Variants in LNX1 observed in about 807,000 individuals in gnomAD.
The protein encoded by LNX1 is ligand of numb-protein X 1, also known as E3 ubiquitin-protein ligase LNX.
A neutral mutation model predicts 68.4 loss-of-function variants in LNX1; 54 were observed. That is an observed-to-expected ratio of 0.79 (90% CI 0.63 to 0.99). The LOEUF is 0.99. Ranked by LOEUF, LNX1 falls within the 50% of genes least tolerant of loss-of-function variation. The pLI is 0.00. For missense variants in LNX1, 906 were observed against 926.4 expected (o/e 0.98, Z 0.29); for synonymous variants, 336 against 350.0 (o/e 0.96, Z 0.45).
At chr4:53,570,664 T>TAATTAATAAATA (rs1553939583) in intron 2 of LNX1, among the ~76,000 whole-genome samples, 1 of 143,688 alleles carries the variant, frequency 7.0e-6, no homozygotes, top group African/African-American at 2.6e-5. Flanking sequence ...TAAAGTATAA[T>TAATTAATAAATA]AATAAATAAA....
rs1381187945 is a variant in LNX1, at chr4:53,496,139, G to A, written c.1234C>T (p.Leu412=). 1.9e-5 allele frequency: 31 copies of A among 1,613,992 alleles called. No homozygotes were observed. In the Admixed American group the frequency reaches 4.0e-4, roughly 21 times the overall value. Residue 412 remains leucine, a synonymous_variant, in exon 6 of 11, where the codon CTG becomes TTG. Coordinates refer to ENST00000263925, the MANE Select transcript of LNX1 (RefSeq NM_001126328.3). Reference sequence around the variant, plus strand: ...TGTCGATATGCCACACCGCCATCCAGCACATTGAAGATGAAAACCCCAGGC... The same window carrying A: ...TGTCGATATGCCACACCGCCATCCAACACATTGAAGATGAAAACCCCAGGC... ...DEPGVFIFNV[L]DGGVAYRHGQ...
chr4:53,521,450 C>T (rs1414125493), intron 2 of LNX1, among the ~76,000 whole-genome samples: 1 of 152,178 alleles, frequency 6.6e-6, no homozygotes, highest in Non-Finnish European at 1.5e-5. Context: ...GTCACAGGCC[C>T]TCCTGGATAT....
At chr4:53,497,734 C>A (rs561497304) in intron 5 of LNX1, among the ~76,000 whole-genome samples, 2 of 152,338 alleles carry the variant, frequency 1.3e-5, no homozygotes, top group South Asian at 2.1e-4. Flanking sequence ...GATTGTACTG[C>A]GGCCTGCCCC....
intron 2 of LNX1, among the ~76,000 whole-genome samples, chr4:53,508,817 G>A (rs948775566): frequency 6.6e-6 from 1 of 152,142 alleles, no homozygotes; most frequent in African/African-American, 2.4e-5. Context: ...CCCTGGTGTT[G>A]GGGGCTCCCA....
At chr4:53,564,703 G>T (rs1020401421) in intron 2 of LNX1, among the ~76,000 whole-genome samples, 1 of 152,004 alleles carries the variant, frequency 6.6e-6, no homozygotes, top group African/African-American at 2.4e-5. Flanking sequence ...CACAGAAGAC[G>T]GGTGATTTCT....
upstream of LNX1, among the ~76,000 whole-genome samples, chr4:53,619,471 CTTTCTTAGCATCATAT>C (rs1036267074): frequency 2.8e-4 from 42 of 152,234 alleles, 1 homozygote; most frequent in African/African-American, 9.6e-4. Flanking sequence ...TGTCAGACTT[CTTTCTTAGCATCATAT>C]TTTCAAGTTT....
intron 2 of LNX1, among the ~76,000 whole-genome samples, chr4:53,564,785 G>A (rs144738661): frequency 0.027 from 4,052 of 152,158 alleles, 75 homozygotes; most frequent in East Asian, 0.09. Context: ...CAGTGGGTGC[G>A]CGCACCCTGC....
intron 2 of LNX1, among the ~76,000 whole-genome samples, chr4:53,517,396 A>G (rs1726865530): frequency 1.3e-5 from 2 of 152,154 alleles, no homozygotes; most frequent in Non-Finnish European, 1.5e-5. Flanking sequence ...GCCTTCCAAA[A>G]CAGTTCCACT....
chr4:53,542,852 C>T (rs1306816095), intron 2 of LNX1, among the ~76,000 whole-genome samples: 1 of 152,166 alleles, frequency 6.6e-6, no homozygotes, highest in Non-Finnish European at 1.5e-5. Context: ...CCCCCTCTCC[C>T]ATCAGGAATA....
At chr4:53,590,024 T>C (rs1732412681) in intron 1 of LNX1, among the ~76,000 whole-genome samples, 1 of 152,172 alleles carries the variant, frequency 6.6e-6, no homozygotes, top group Non-Finnish European at 1.5e-5. Context: ...TATCAGAAGA[T>C]CCAAGCTTTG....
intron 9 of LNX1, among the ~76,000 whole-genome samples, chr4:53,466,487 G>A (rs1419172751): frequency 3.3e-5 from 5 of 152,264 alleles, no homozygotes; most frequent in Admixed American, 1.3e-4. Flanking sequence ...AGTGCCAGAC[G>A]GTGCAGGACA....
chr4:53,543,061 A>G (rs1577687075), intron 2 of LNX1, among the ~76,000 whole-genome samples: 1 of 152,148 alleles, frequency 6.6e-6, no homozygotes, highest in Non-Finnish European at 1.5e-5. Flanking sequence ...GGGTCTCACT[A>G]TGTTGCTCAG....
chr4:53,520,941 A>T (rs1727167011), intron 2 of LNX1, among the ~76,000 whole-genome samples: 1 of 152,166 alleles, frequency 6.6e-6, no homozygotes, highest in Admixed American at 6.5e-5. Context: ...CAGCCTGGGC[A>T]ATGGTTCGAG....
rs1485021177 is a variant in LNX1 at position 53,508,150 on chromosome 4, G to T, written c.458C>A (p.Ala153Glu). ...RSQDGCPDGC[A>E]SLTATAPSPE... ...GGAGGGAGCCGTGGCTGTGAGGCTCGCACAGCCGTCTGGACAGCCATCTTG... is the reference window on the plus strand; with the variant it reads ...GGAGGGAGCCGTGGCTGTGAGGCTCTCACAGCCGTCTGGACAGCCATCTTG... Residue 153 changes from alanine to glutamate, a missense_variant, in exon 3 of 11, where the codon GCG becomes GAG. By Grantham distance (107) the Ala-to-Glu change is moderately radical. Transcript: ENST00000263925. 8 of 1,613,932 alleles carry T rather than the reference G, an allele frequency of 5.0e-6. No homozygotes were observed. The highest frequency in any genetic ancestry group is 6.8e-6 in the Non-Finnish European group (8 of 1,179,976).
upstream of LNX1, among the ~76,000 whole-genome samples, chr4:53,620,585 T>A (rs1253635541): frequency 6.6e-6 from 1 of 152,162 alleles, no homozygotes; most frequent in Non-Finnish European, 1.5e-5. Context: ...CAGAAGCAGT[T>A]GCTTGATGGG....
At chr4:53,625,814 T>G (rs1734048875) in intron 1 of LNX1, among the ~76,000 whole-genome samples, 1 of 150,172 alleles carries the variant, frequency 6.7e-6, no homozygotes, top group Admixed American at 6.7e-5. Flanking sequence ...CTCAAAATGT[T>G]AGTTACCATA....
At chr4:53,557,509 C>G (rs1188617076) in intron 2 of LNX1, among the ~76,000 whole-genome samples, 1 of 151,708 alleles carries the variant, frequency 6.6e-6, no homozygotes, top group Non-Finnish European at 1.5e-5. Flanking sequence ...TTATAAATAC[C>G]CAATAGAGGC....
rs1723715632 is a variant in LNX1, at chr4:53,478,556, AC to A, written c.1663+8del. The A allele has an allele frequency of 6.2e-7, 1 of 1,600,638 alleles. No homozygotes were observed. Among genetic ancestry groups the A allele is most frequent in the South Asian group, 1.1e-5 (1 of 89,038 alleles). ...ACCCCAGTGCCTTTAAAATCCCTTT[AC>A]TTTTTACCTGTTTTTATTCTTCCAT... On this transcript the variant is annotated splice_region_variant and intron_variant, in intron 8 of 10. Transcript: ENST00000263925.
At chr4:53,506,932 A>G (rs2109513644) in intron 4 of LNX1, among the ~76,000 whole-genome samples, 1 of 150,772 alleles carries the variant, frequency 6.6e-6, no homozygotes, top group South Asian at 2.1e-4. Flanking sequence ...GAGGAAATGC[A>G]TGTAAAACAC....
Sources: allele counts gnomAD v4.1 joint callset (sites outside exome capture counted in the v4.1 genomes callset), GRCh38; gene constraint gnomAD v4.1.1; transcripts MANE v1.5; gene names NCBI Gene and HGNC (gene_info 2026-07-23, HGNC 2026-07-21).